The following NLK variants were observed in gnomAD, a reference collection of about 807,000 sequenced individuals.
The protein encoded by NLK is serine/threonine-protein kinase NLK.
In NLK, 11 loss-of-function variants were observed where a neutral mutation model predicts 59.0. The ratio of observed to expected loss-of-function variants is 0.19; its 90% confidence interval spans 0.12 to 0.31. The LOEUF (loss-of-function observed/expected upper bound fraction) is 0.31. Among genes scored for constraint, NLK ranks in the 10% least tolerant of loss-of-function variants. NLK has a pLI of 1.00. For synonymous variants in NLK, 235 were observed against 235.9 expected, an observed-to-expected ratio of 1.00 and a Z score of 0.03; for missense variants, 410 against 661.1, an observed-to-expected ratio of 0.62 and a Z score of 4.16.
rs1053011097 is a variant in NLK, at chr17:28,195,002, C to CACACAT, written c.*371_*372insTACACA. 1.2e-5 allele frequency: 2 copies of CACACAT among 165,844 alleles called. No homozygotes were observed. The highest frequency in any genetic ancestry group is 4.8e-5 in the African/African-American group (2 of 41,912). The allele number at this position is 165,844 out of a possible 1,614,324, so 10.3% of individuals were successfully genotyped here. On this transcript the variant is annotated 3_prime_UTR_variant, in exon 11 of 11. Coordinates refer to ENST00000407008, the MANE Select transcript of NLK (RefSeq NM_016231.5). ...GATTGTTCACACACACACACACACA[C>CACACAT]ACACACACACACAAACACAAAGGAC...
intron 2 of NLK, among the ~76,000 whole-genome samples, chr17:28,130,657 T>C (rs1342171905): frequency 1.3e-5 from 2 of 152,176 alleles, no homozygotes; most frequent in African/African-American, 4.8e-5. Flanking sequence ...GTAAAATAGC[T>C]TTGTATAATG....
intron 9 of NLK, among the ~76,000 whole-genome samples, 188 bp downstream of exon 9, chr17:28,191,407 G>A (rs1230360872): frequency 6.6e-6 from 1 of 152,182 alleles, no homozygotes; most frequent in African/African-American, 2.4e-5. Context: ...GGAAGGTCGG[G>A]GAGAGGAATG....
chr17:28,137,557 A>G (rs1429398597), intron 3 of NLK, among the ~76,000 whole-genome samples: 4 of 152,266 alleles, frequency 2.6e-5, no homozygotes, highest in Middle Eastern at 3.4e-3. Flanking sequence ...AATAGTTAAT[A>G]TAATTTTAGA....
chr17:28,175,391 C>T (rs868857563), intron 7 of NLK, among the ~76,000 whole-genome samples: 1 of 151,080 alleles, frequency 6.6e-6, no homozygotes. Flanking sequence ...GCAGAGCTTG[C>T]AGTGAGCCGA....
At chr17:28,190,926 G>A (rs9910258) in intron 8 of NLK, 95 bp from the exon 9 acceptor site, 2 of 814,942 alleles carry the variant, frequency 2.5e-6, no homozygotes, top group Non-Finnish European at 3.9e-6. Context: ...TTATATATAT[G>A]CTATGTCAAG....
chr17:28,199,665 C>CAAAAAAAAAAAA (rs1303411168), downstream of NLK, among the ~76,000 whole-genome samples: 12 of 33,546 alleles, frequency 3.6e-4, no homozygotes, highest in Admixed American at 8.9e-4. Context: ...GACTCTGTCT[C>CAAAAAAAAAAAA]AAAAAAAAAA....
intron 10 of NLK, among the ~76,000 whole-genome samples, chr17:28,192,972 C>A (rs535564240): frequency 2.0e-5 from 3 of 152,298 alleles, no homozygotes; most frequent in Non-Finnish European, 1.5e-5. Context: ...GAGCTATGAA[C>A]CTACATTGGA....
intron 5 of NLK, among the ~76,000 whole-genome samples, chr17:28,164,677 A>G (rs776889623): frequency 5.9e-5 from 9 of 152,196 alleles, no homozygotes; most frequent in Non-Finnish European, 1.0e-4. Flanking sequence ...GAGGTCCACT[A>G]TATTTTTCCT....
intron 1 of NLK, among the ~76,000 whole-genome samples, chr17:28,098,208 C>T (rs1346084309): frequency 6.6e-6 from 1 of 152,120 alleles, no homozygotes; most frequent in East Asian, 1.9e-4. Flanking sequence ...ATAACTGATT[C>T]AATTTGTGAA....
rs139142624 is a variant in NLK at position 28,079,508 on chromosome 17, A to G, written c.458+36177A>G. 4.3e-3 allele frequency among the ~76,000 whole-genome samples: 661 copies of G among 152,212 alleles called. 2 individuals are homozygous for G. Among genetic ancestry groups the G allele is most frequent in the Middle Eastern group, 0.017 (5 of 292 alleles). On this transcript the variant is annotated intron_variant, in intron 1 of 10. Coordinates refer to ENST00000407008, the MANE Select transcript of NLK (RefSeq NM_016231.5). Reference sequence around the variant, plus strand: ...TATACATGGGTTCCATTATTTTCACATTTTTGCCAGCACATGTTATTTTAT... The same window carrying G: ...TATACATGGGTTCCATTATTTTCACGTTTTTGCCAGCACATGTTATTTTAT...
At chr17:28,140,936 C>CT (rs1276020516) in intron 3 of NLK, among the ~76,000 whole-genome samples, 2 of 152,152 alleles carry the variant, frequency 1.3e-5, no homozygotes, top group Admixed American at 1.3e-4. Context: ...TTCAATATCT[C>CT]TAGTAACACT....
At chr17:28,175,117 T>C (rs1280219878) in intron 7 of NLK, among the ~76,000 whole-genome samples, 1 of 151,942 alleles carries the variant, frequency 6.6e-6, no homozygotes, top group Admixed American at 6.6e-5. Context: ...ACAGGTTATG[T>C]ACTCAATTTA....
chr17:28,099,131 A>C (rs1463473509), intron 1 of NLK, among the ~76,000 whole-genome samples: 1 of 152,184 alleles, frequency 6.6e-6, no homozygotes, highest in African/African-American at 2.4e-5. Flanking sequence ...TGTACTAATT[A>C]ACACCTTTCA....
intron 1 of NLK, among the ~76,000 whole-genome samples, chr17:28,065,038 G>A (rs1379461262): frequency 3.3e-5 from 5 of 151,998 alleles, no homozygotes; most frequent in Non-Finnish European, 7.4e-5. Flanking sequence ...AAATTATAAG[G>A]TCAAGGAAGC....
intron 3 of NLK, among the ~76,000 whole-genome samples, chr17:28,133,650 C>T (rs1194582882): frequency 6.6e-6 from 1 of 152,116 alleles, no homozygotes; most frequent in Admixed American, 6.5e-5. Context: ...CCACATTTAA[C>T]TTGGTAAAGC....
intron 1 of NLK, among the ~76,000 whole-genome samples, chr17:28,087,009 C>T (rs1910540998): frequency 6.6e-6 from 1 of 151,460 alleles, no homozygotes; most frequent in Non-Finnish European, 1.5e-5. Context: ...GATCACATCA[C>T]TGCACTCCAG....
At chr17:28,051,777 T>C (rs1487345399) in intron 1 of NLK, among the ~76,000 whole-genome samples, 2 of 152,098 alleles carry the variant, frequency 1.3e-5, no homozygotes, top group Non-Finnish European at 2.9e-5. Flanking sequence ...ATTTAAACTT[T>C]CTGAGCCTTG....
chr17:28,102,633 A>C (rs1904941946), intron 1 of NLK, among the ~76,000 whole-genome samples: 1 of 150,544 alleles, frequency 6.6e-6, no homozygotes, highest in African/African-American at 2.5e-5. Flanking sequence ...CTGGCAACAG[A>C]CTGAGACTCC....
chr17:28,180,273 C>T (rs1908856065), intron 7 of NLK, among the ~76,000 whole-genome samples: 1 of 152,138 alleles, frequency 6.6e-6, no homozygotes, highest in Non-Finnish European at 1.5e-5. Context: ...TAACATCACT[C>T]ATTTTATTTT....
Sources: gnomAD v4.1 joint callset for allele counts (sites outside exome capture counted in the v4.1 genomes callset) on GRCh38, gnomAD v4.1.1 for gene constraint, MANE v1.5 for transcripts, NCBI Gene and HGNC (gene_info 2026-07-23, HGNC 2026-07-21) for gene names.